Variants in RXRA observed in about 807,000 individuals in gnomAD.
RXRA encodes retinoic acid receptor RXR-alpha.
In RXRA, 5 loss-of-function variants were observed where a neutral mutation model predicts 44.5. The ratio of observed to expected loss-of-function variants is 0.11; its 90% confidence interval spans 0.06 to 0.24. The LOEUF (loss-of-function observed/expected upper bound fraction) is 0.24, where lower values mean the gene tolerates loss of function less well. Among genes scored for constraint, RXRA ranks in the 10% least tolerant of loss-of-function variants. The pLI, the probability that RXRA is intolerant of heterozygous loss-of-function variation, is 1.00. For missense variants in RXRA, 412 were observed against 646.5 expected, an observed-to-expected ratio of 0.64 and a Z score of 3.93; for synonymous variants, 291 against 271.4, an observed-to-expected ratio of 1.07 and a Z score of -0.71.
At chr9:134,406,382 G>C (rs1831050201) in intron 2 of RXRA, 1 of 141,448 alleles carries the variant, frequency 7.1e-6, no homozygotes, top group Admixed American at 7.2e-5. Context: ...AACAGAGTGA[G>C]ACCCTGTTTC....
At chr9:134,383,574 C>T (rs1489270687) in intron 1 of RXRA, among the ~76,000 whole-genome samples, 3 of 152,064 alleles carry the variant, frequency 2.0e-5, no homozygotes, top group South Asian at 4.1e-4. Context: ...GGGTGAGGGC[C>T]GGAAGAACCC....
At chr9:134,373,316 C>T (rs1830513180) in intron 1 of RXRA, among the ~76,000 whole-genome samples, 1 of 152,128 alleles carries the variant, frequency 6.6e-6, no homozygotes, top group Non-Finnish European at 1.5e-5. Context: ...GTTATGGGCA[C>T]CTGCCGTCTG....
chr9:134,421,466 T>C (rs1038059957), intron 5 of RXRA, among the ~76,000 whole-genome samples: 4 of 152,126 alleles, frequency 2.6e-5, no homozygotes, highest in Non-Finnish European at 5.9e-5. Context: ...CCTCCCAATA[T>C]CAGGCCACAC....
chr9:134,409,232 G>A (rs980272395), intron 4 of RXRA, 113 bp downstream of exon 4: 3 of 1,097,978 alleles, frequency 2.7e-6, no homozygotes, highest in Non-Finnish European at 3.8e-6. Flanking sequence ...CTGGACAGAA[G>A]CATGGCAAGG....
intron 3 of RXRA, among the ~76,000 whole-genome samples, chr9:134,408,525 A>T (rs1728608337): frequency 6.6e-6 from 1 of 152,222 alleles, no homozygotes; most frequent in African/African-American, 2.4e-5. Context: ...GGCACAGGGC[A>T]GCCTGAGGCT....
chr9:134,402,253 G>A (rs1830976183), intron 2 of RXRA: 1 of 262,502 alleles, frequency 3.8e-6, no homozygotes, highest in Non-Finnish European at 7.2e-6. Context: ...TGCCCACACA[G>A]CCTGGGTCCT....
chr9:134,330,052 G>T (rs1421690034), intron 1 of RXRA, among the ~76,000 whole-genome samples: 1 of 152,230 alleles, frequency 6.6e-6, no homozygotes, highest in Non-Finnish European at 1.5e-5. Context: ...GCTGCCTGGG[G>T]AGTTTCCTTT....
chr9:134,332,890 C>G (rs1267756178), intron 1 of RXRA, among the ~76,000 whole-genome samples: 1 of 152,056 alleles, frequency 6.6e-6, no homozygotes, highest in African/African-American at 2.4e-5. Flanking sequence ...CTCAGCATGG[C>G]AGCCTGGGAA....
At chr9:134,402,505 CTTTG>C (rs1830980687) in intron 2 of RXRA, 1 of 152,486 alleles carries the variant, frequency 6.6e-6, no homozygotes, top group Non-Finnish European at 1.5e-5. Flanking sequence ...CAGCCTGGCC[CTTTG>C]GGCTGTTTCT....
chr9:134,413,235 T>C (rs1588297041), intron 4 of RXRA, among the ~76,000 whole-genome samples: 1 of 151,780 alleles, frequency 6.6e-6, no homozygotes, highest in African/African-American at 2.4e-5. Context: ...GGTGGTGGGG[T>C]TGGAGAGCAG....
intron 1 of RXRA, among the ~76,000 whole-genome samples, chr9:134,341,575 G>A (rs1335635921): frequency 1.3e-5 from 2 of 152,186 alleles, no homozygotes; most frequent in East Asian, 1.9e-4. Flanking sequence ...GTCTCCACCC[G>A]GCTTCCTGGC....
At chr9:134,356,515 C>T (rs554952275) in intron 1 of RXRA, among the ~76,000 whole-genome samples, 50 of 152,260 alleles carry the variant, frequency 3.3e-4, no homozygotes, top group African/African-American at 1.1e-3. Context: ...GCACGGTCTG[C>T]GGGATGGAGG....
rs1055735793 is a variant in RXRA, at chr9:134,439,714, G to C, written c.*3100G>C. ...GCGTGATCTGGTGCTCGTCCACGCA[G>C]GTGTGTGGTGTAAACATGTATGTGC... On this transcript the variant is annotated 3_prime_UTR_variant, in exon 10 of 10. Coordinates refer to ENST00000481739, the MANE Select transcript of RXRA (RefSeq NM_002957.6). 1.3e-5 allele frequency: 2 copies of C among 152,498 alleles called. No individual in the cohort carries two copies. The highest frequency in any genetic ancestry group is 4.8e-5 in the African/African-American group (2 of 41,468). The allele number at this position is 152,498 out of a possible 1,614,324, so 9.4% of individuals were successfully genotyped here.
chr9:134,429,275 G>A (rs763254747), intron 7 of RXRA, 35 bp downstream of exon 7: 13 of 1,599,086 alleles, frequency 8.1e-6, no homozygotes, highest in Middle Eastern at 1.7e-4. Context: ...AGGGCGCTTC[G>A]GTCACCTCCG....
At chr9:134,388,648 G>A (rs1224322585) in intron 1 of RXRA, among the ~76,000 whole-genome samples, 5 of 152,220 alleles carry the variant, frequency 3.3e-5, no homozygotes, top group Admixed American at 6.5e-5. Context: ...TGAGTCAGGC[G>A]CATGGAAGTT....
intron 1 of RXRA, among the ~76,000 whole-genome samples, chr9:134,344,779 C>CAGA (rs1830130402): frequency 6.6e-6 from 1 of 152,236 alleles, no homozygotes; most frequent in African/African-American, 2.4e-5. Flanking sequence ...TGACCGGTGT[C>CAGA]TGTCTGTGTG....
intron 1 of RXRA, among the ~76,000 whole-genome samples, chr9:134,356,444 G>A (rs1288823628): frequency 6.6e-6 from 1 of 152,098 alleles, no homozygotes; most frequent in Non-Finnish European, 1.5e-5. Context: ...GGGCCGGGGA[G>A]CCAGGAGTTG....
In RXRA at chr9:134,407,574, C is replaced by T. The variant is rs951669460; in HGVS notation, c.280-575C>T. ...GGGTGTGCAGAGAGGCCAGTGGTGT[C>T]GTGCCACCCGATGCCCGGGGGTGTC... is the stretch of plus-strand genomic sequence containing the variant. On this transcript the variant is annotated intron_variant, in intron 2 of 9. Transcript: ENST00000481739. The surrounding 1 kb of genome is among the most constrained non-coding windows in gnomAD (Gnocchi z 4.8). 3.3e-5 allele frequency among the ~76,000 whole-genome samples: 5 copies of T among 151,944 alleles called. No individual in the cohort carries two copies. The highest frequency in any genetic ancestry group is 2.0e-4 in the Admixed American group (3 of 15,270).
intron 1 of RXRA, among the ~76,000 whole-genome samples, chr9:134,338,660 G>A (rs550896777): frequency 2.0e-5 from 3 of 152,350 alleles, no homozygotes; most frequent in Non-Finnish European, 2.9e-5. Context: ...CGGATCCCAC[G>A]CAGCCTGGAC....
Sources: gnomAD v4.1 joint callset for allele counts (sites outside exome capture counted in the v4.1 genomes callset) on GRCh38, gnomAD v4.1.1 for gene constraint, Gnocchi (gnomAD v3.1) non-coding constraint, MANE v1.5 for transcripts, NCBI Gene and HGNC (gene_info 2026-07-23, HGNC 2026-07-21) for gene names.